Variants in BSG observed in about 807,000 individuals in gnomAD.
The protein encoded by BSG is basigin.
In BSG, 37 loss-of-function variants were observed where a neutral mutation model predicts 43.1. That is an observed-to-expected ratio of 0.86 (90% CI 0.66 to 1.13). The LOEUF is 1.13. BSG is among the 50% of genes most tolerant of loss of function. The pLI, the probability that BSG is intolerant of heterozygous loss-of-function variation, is 0.00. For synonymous variants in BSG, 309 were observed against 238.7 expected (o/e 1.29, Z -2.72); for missense variants, 599 against 554.2 (o/e 1.08, Z -0.81).
At chr19:571,294 A>C, upstream of BSG, 1 of 568,448 alleles carries the variant, frequency 1.8e-6, no homozygotes, top group Non-Finnish European at 3.1e-6. Flanking sequence ...GTGTAGCCAC[A>C]TTCCTGCCCC....
rs539526884 is a variant in BSG, at chr19:575,910, G to A, written c.68-1864G>A. ...GGTGGGGGCGCTCTGCATTGTCCCC[G>A]AGGAGCCTCTATGGAGGCTTTCTCT... is the stretch of plus-strand genomic sequence containing the variant. On this transcript the variant is annotated intron_variant, in intron 1 of 8. Transcript: ENST00000333511. Among the ~76,000 whole-genome samples the A allele has an allele frequency of 5.9e-5, 9 of 152,232 alleles. No individual in the cohort carries two copies. The East Asian group carries it at 1.2e-3, about 20-fold the overall frequency.
rs1233797502 is a variant in BSG at position 582,777 on chromosome 19, G to C, written c.*33G>C. On this transcript the variant is annotated 3_prime_UTR_variant, in exon 9 of 9. Coordinates refer to ENST00000333511, the MANE Select transcript of BSG (RefSeq NM_001728.4). The stretch of plus-strand genomic sequence containing the variant: ...GGCCCGAGGACGCTCCCTGCTCCAC[G>C]TCTGCGCCGCCGCCGGAGTCCACTC... 1.6e-6 allele frequency: 1 copy of C among 610,114 alleles called. No homozygotes were observed. Among genetic ancestry groups the C allele is most frequent in the Non-Finnish European group, 2.9e-6 (1 of 346,802 alleles). The allele number at this position is 610,114 out of a possible 1,614,324, so 37.8% of individuals were successfully genotyped here.
chr19:582,757 G>C lies in BSG; in HGVS notation c.*13G>C. 3.0e-6 allele frequency: 2 copies of C among 674,898 alleles called. No individual in the cohort carries two copies. The highest frequency in any genetic ancestry group is 5.0e-6 in the Non-Finnish European group (2 of 396,596). The allele number at this position is 674,898 out of a possible 1,614,324, so 41.8% of individuals were successfully genotyped here. A position where few individuals can be genotyped will look rare whatever the true frequency, so the allele number is the denominator to read the frequency against. On this transcript the variant is annotated 3_prime_UTR_variant, in exon 9 of 9. Transcript: ENST00000333511. ...GCCCCTCCCTGTCCACAGGTGGCCC[G>C]AGGACGCTCCCTGCTCCACGTCTGC... is the stretch of plus-strand genomic sequence containing the variant.
chr19:573,336 C>T (rs562859992), intron 1 of BSG, among the ~76,000 whole-genome samples: 3 of 152,170 alleles, frequency 2.0e-5, no homozygotes, highest in Non-Finnish European at 2.9e-5. Context: ...CCCTGAGACT[C>T]TCTGGGGCCC....
At chr19:579,938 C>G in intron 3 of BSG, 1 of 478,338 alleles carries the variant, frequency 2.1e-6, no homozygotes, top group South Asian at 2.7e-5. Flanking sequence ...GTCCCGGGCA[C>G]GTGTGCGGGC....
chr19:571,826 G>A (rs1981264658), upstream of BSG: 4 of 547,460 alleles, frequency 7.3e-6, no homozygotes, highest in African/African-American at 1.9e-5. Context: ...GCTGATCCCG[G>A]TTGGCTAAAA....
At chr19:573,327 C>T (rs1405320154) in intron 1 of BSG, among the ~76,000 whole-genome samples, 1 of 152,144 alleles carries the variant, frequency 6.6e-6, no homozygotes, top group African/African-American at 2.4e-5. Context: ...GAGACCCTCC[C>T]CTGAGACTCT....
In BSG at chr19:582,963, A is replaced by G; in HGVS notation, c.*219A>G. 1 of 235,060 alleles carries G rather than the reference A, an allele frequency of 4.3e-6. No homozygotes were observed. The highest frequency in any genetic ancestry group is 5.9e-5 in the South Asian group (1 of 16,862). The allele number at this position is 235,060 out of a possible 1,614,324, so 14.6% of individuals were successfully genotyped here. ...CTGAAGTGTTTCACGAGAGCCCGGG[A>G]GCTGCTGCCCTGCGGCCCCGTCTGT... On this transcript the variant is annotated 3_prime_UTR_variant, in exon 9 of 9. Coordinates refer to ENST00000333511, the MANE Select transcript of BSG (RefSeq NM_001728.4).
chr19:579,168 T>C (rs1382058826), intron 2 of BSG: 1 of 491,300 alleles, frequency 2.0e-6, no homozygotes, highest in South Asian at 1.5e-5. Flanking sequence ...GGTCCCAGCC[T>C]CGTGTGTCTC....
At chr19:578,605 G>A (rs777275193) in intron 2 of BSG, among the ~76,000 whole-genome samples, 7 of 152,262 alleles carry the variant, frequency 4.6e-5, no homozygotes, top group Non-Finnish European at 1.0e-4. Context: ...CTTGGTTGGG[G>A]ATTGGCAGAA....
upstream of BSG, chr19:571,653 A>G (rs539181165): frequency 2.6e-6 from 2 of 772,762 alleles, no homozygotes; most frequent in East Asian, 4.9e-5. Flanking sequence ...GGTCCCGCAA[A>G]GAGAAACCAG....
At chr19:576,702 G>C (rs1051886393) in intron 1 of BSG, among the ~76,000 whole-genome samples, 1 of 151,750 alleles carries the variant, frequency 6.6e-6, no homozygotes, top group African/African-American at 2.4e-5. Context: ...CAGAGGTTGC[G>C]GTGAGCTGAG....
rs1339737257 is a variant in BSG, at chr19:579,547, C to T, written c.463C>T (p.Leu155Phe). 6.2e-7 allele frequency: 1 copy of T among 1,612,712 alleles called. No homozygotes were observed. Among genetic ancestry groups the T allele is most frequent in the Admixed American group, 1.7e-5 (1 of 60,014 alleles). The change falls in exon 3 of 9, where the codon CTC becomes TTC. Residue 155 changes from leucine (L) to phenylalanine (F), a missense_variant. By Grantham distance (22) the Leu-to-Phe change is conservative (BLOSUM62 0). Transcript: ENST00000333511. ...TVEDLGSKILLTCSLNDSATE... is the reference protein window; with the variant it reads ...TVEDLGSKILFTCSLNDSATE... ...AGAAGACCTTGGCTCCAAGATACTC[C>T]TCACCTGCTCCTTGAATGACAGCGC...
At chr19:581,627 C>G in intron 6 of BSG, 36 bp downstream of exon 6, 1 of 1,537,964 alleles carries the variant, frequency 6.5e-7, no homozygotes. Context: ...ATGCCCTGCT[C>G]TCGGGGTGGC....
intron 1 of BSG, among the ~76,000 whole-genome samples, chr19:573,037 G>C (rs1179942013): frequency 1.3e-5 from 2 of 152,182 alleles, no homozygotes; most frequent in African/African-American, 4.8e-5. Context: ...GGAGGTGGGC[G>C]TCTTGCTTTT....
intron 1 of BSG, among the ~76,000 whole-genome samples, chr19:572,948 C>T (rs563525909): frequency 6.6e-4 from 96 of 146,186 alleles, no homozygotes; most frequent in African/African-American, 2.4e-3. Context: ...GCCTCGAGCC[C>T]GGCCTCTGTG....
chr19:579,442 C>T, intron 2 of BSG, 58 bp from the exon 3 acceptor site: 6 of 1,603,118 alleles, frequency 3.7e-6, no homozygotes, highest in Non-Finnish European at 5.1e-6. Flanking sequence ...GGGGGTCAGG[C>T]AGGCAGCGCG....
chr19:572,817 C>A, intron 1 of BSG, 116 bp downstream of exon 1: 1 of 1,202,444 alleles, frequency 8.3e-7, no homozygotes, highest in Non-Finnish European at 1.1e-6. Context: ...GCCTGGGGTG[C>A]GAAAGGCCGG....
intron 2 of BSG, among the ~76,000 whole-genome samples, chr19:578,375 G>A (rs1414549115): frequency 2.0e-5 from 3 of 151,956 alleles, no homozygotes; most frequent in East Asian, 1.9e-4. Flanking sequence ...TCCTCCCCTC[G>A]ACCCTCGTGC....
Sources: allele counts gnomAD v4.1 joint callset (sites outside exome capture counted in the v4.1 genomes callset), GRCh38; gene constraint gnomAD v4.1.1; transcripts MANE v1.5; gene names NCBI Gene and HGNC (gene_info 2026-07-23, HGNC 2026-07-21).